FAM78B: variants seen among roughly 807,000 people sequenced by gnomAD.
The protein encoded by FAM78B is family with sequence similarity 78 member B.
In FAM78B, 10 loss-of-function variants were observed where a neutral mutation model predicts 20.0. That is an observed-to-expected ratio of 0.50 (90% CI 0.31 to 0.85). The LOEUF (loss-of-function observed/expected upper bound fraction) is 0.85, where lower values mean the gene tolerates loss of function less well. FAM78B is among the 40% of genes least tolerant of loss of function. The pLI is 0.05. For missense variants in FAM78B, 283 were observed against 345.0 expected (o/e 0.82, Z 1.42); for synonymous variants, 135 against 132.8 (o/e 1.02, Z -0.12).
At chr1:166,096,686 C>G (rs1653289137) in intron 1 of FAM78B, among the ~76,000 whole-genome samples, 2 of 152,184 alleles carry the variant, frequency 1.3e-5, no homozygotes, top group Admixed American at 1.3e-4. Flanking sequence ...TGTTCTTGTC[C>G]TCCTCTCCTT....
chr1:166,161,298 C>G (rs1656140705), intron 1 of FAM78B, among the ~76,000 whole-genome samples: 1 of 152,132 alleles, frequency 6.6e-6, no homozygotes, highest in Non-Finnish European at 1.5e-5. Context: ...AGGCGTGTGC[C>G]ACCATGCCCA....
rs571930636 is a variant in FAM78B, at chr1:166,087,673, G to C, written c.264-16910C>G. On this transcript the variant is annotated intron_variant, in intron 1 of 1. Transcript: ENST00000354422. ...TAATGTGTCTCTCTTTGCCCAGCTT[G>C]TAAGTGGCAGAGCTGGGACTTAAAC... Among the ~76,000 whole-genome samples the C allele has an allele frequency of 2.6e-5, 4 of 152,340 alleles. No individual in the cohort carries two copies. In the South Asian group the frequency reaches 8.3e-4, roughly 32 times the overall value.
At chr1:166,119,350 G>A (rs1312374400) in intron 1 of FAM78B, among the ~76,000 whole-genome samples, 1 of 152,132 alleles carries the variant, frequency 6.6e-6, no homozygotes, top group Non-Finnish European at 1.5e-5. Flanking sequence ...CAAAACATAT[G>A]AGTACCTGAT....
intron 1 of FAM78B, among the ~76,000 whole-genome samples, chr1:166,162,110 A>G (rs1270826481): frequency 6.6e-6 from 1 of 152,238 alleles, no homozygotes; most frequent in African/African-American, 2.4e-5. Context: ...TCTACAAGGA[A>G]TGCTGCTGAA....
chr1:166,123,840 A>G (rs766572794), intron 1 of FAM78B, among the ~76,000 whole-genome samples: 1 of 152,198 alleles, frequency 6.6e-6, no homozygotes, highest in Non-Finnish European at 1.5e-5. Flanking sequence ...CCCCAGCTCC[A>G]GCAAAAATCC....
chr1:166,061,732 T>C (rs942108437), intron 2 of FAM78B, among the ~76,000 whole-genome samples: 1 of 152,076 alleles, frequency 6.6e-6, no homozygotes, highest in Admixed American at 6.5e-5. Context: ...CCTGCAATAA[T>C]GAGATTGGTT....
intron 1 of FAM78B, among the ~76,000 whole-genome samples, chr1:166,072,943 G>C (rs376901940): frequency 1.4e-3 from 209 of 152,176 alleles, no homozygotes; most frequent in African/African-American, 4.7e-3. Flanking sequence ...CCATCTTCCT[G>C]CCCAGAGCTG....
intron 1 of FAM78B, chr1:166,165,127 T>C (rs1024242363): frequency 3.3e-5 from 5 of 152,198 alleles, no homozygotes; most frequent in Admixed American, 2.6e-4. Flanking sequence ...CCGGCGCTGC[T>C]GAAAGTTGGA....
chr1:166,057,584 A>T (rs764766836), exon 3 of FAM78B: 2 of 152,178 alleles, frequency 1.3e-5, no homozygotes, highest in Admixed American at 6.6e-5. Flanking sequence ...GCCAGCTTTC[A>T]TTTCTTCCTT....
chr1:166,160,529 G>T (rs1379284364), intron 1 of FAM78B, among the ~76,000 whole-genome samples: 1 of 152,214 alleles, frequency 6.6e-6, no homozygotes, highest in African/African-American at 2.4e-5. Flanking sequence ...ATCTGGTGGG[G>T]TAACACAGGA....
chr1:166,057,650 G>T (rs575149993), exon 3 of FAM78B: 1 of 152,300 alleles, frequency 6.6e-6, no homozygotes, highest in East Asian at 1.9e-4. Flanking sequence ...TCTTCAAAGT[G>T]ATACACACAT....
chr1:166,163,225 G>A (rs947707896), intron 1 of FAM78B, among the ~76,000 whole-genome samples: 1 of 152,166 alleles, frequency 6.6e-6, no homozygotes, highest in Admixed American at 6.5e-5. Context: ...AGATTCACCA[G>A]GGCCAAATGA....
intron 1 of FAM78B, among the ~76,000 whole-genome samples, chr1:166,083,699 T>G (rs766512760): frequency 1.3e-5 from 2 of 152,114 alleles, no homozygotes; most frequent in Non-Finnish European, 2.9e-5. Context: ...GAGACGGGTT[T>G]CACTATGTTG....
At chr1:166,129,224 GAAT>G (rs930652095) in intron 1 of FAM78B, among the ~76,000 whole-genome samples, 3 of 152,220 alleles carry the variant, frequency 2.0e-5, no homozygotes, top group African/African-American at 7.2e-5. Context: ...TGTATTGTTA[GAAT>G]ATTAGGAAAA....
intron 1 of FAM78B, among the ~76,000 whole-genome samples, chr1:166,079,607 G>A (rs1420406313): frequency 1.3e-5 from 2 of 152,168 alleles, no homozygotes; most frequent in African/African-American, 4.8e-5. Flanking sequence ...AGGGGAAGTA[G>A]GTGGAGCTAG....
chr1:166,108,848 A>G (rs902026613), intron 1 of FAM78B, among the ~76,000 whole-genome samples: 1 of 152,234 alleles, frequency 6.6e-6, no homozygotes, highest in African/African-American at 2.4e-5. Flanking sequence ...GAACCCAGAA[A>G]TAAATCCAAA....
At chr1:166,079,392 C>G (rs1652475991) in intron 1 of FAM78B, among the ~76,000 whole-genome samples, 2 of 152,202 alleles carry the variant, frequency 1.3e-5, no homozygotes, top group African/African-American at 2.4e-5. Flanking sequence ...CTAAACATAC[C>G]TCCAGAGTCT....
At chr1:166,138,161 G>A (rs1370618911) in intron 1 of FAM78B, among the ~76,000 whole-genome samples, 1 of 152,066 alleles carries the variant, frequency 6.6e-6, no homozygotes, top group African/African-American at 2.4e-5. Context: ...TAGAGGGGAC[G>A]GAGGCTGGGT....
intron 1 of FAM78B, among the ~76,000 whole-genome samples, chr1:166,092,291 C>A (rs1653106957): frequency 1.3e-5 from 2 of 152,200 alleles, no homozygotes; most frequent in Non-Finnish European, 2.9e-5. Flanking sequence ...GGCAGAGCCA[C>A]AGCCCTCCTC....
Sources: gnomAD v4.1 joint callset for allele counts (sites outside exome capture counted in the v4.1 genomes callset) on GRCh38, gnomAD v4.1.1 for gene constraint, MANE v1.5 for transcripts, NCBI Gene and HGNC (gene_info 2026-07-23, HGNC 2026-07-21) for gene names.